Variants in CNTN5 observed in about 807,000 individuals in gnomAD.
The protein encoded by CNTN5 is contactin 5.
Under a neutral mutation model 129.1 loss-of-function variants are expected in CNTN5, and 77 were observed. The observed-to-expected ratio is 0.60, with a 90% CI of 0.50 to 0.72. The LOEUF (loss-of-function observed/expected upper bound fraction) is 0.72, where lower values mean the gene tolerates loss of function less well. CNTN5 is among the 30% of genes least tolerant of loss of function. CNTN5 has a pLI of 0.00. For missense variants in CNTN5, 1,478 were observed against 1,328.8 expected, an observed-to-expected ratio of 1.11 and a Z score of -1.75; for synonymous variants, 509 against 465.6, an observed-to-expected ratio of 1.09 and a Z score of -1.20.
intron 2 of CNTN5, among the ~76,000 whole-genome samples, chr11:99,467,764 A>G (rs1238288042): frequency 6.6e-6 from 1 of 152,046 alleles, no homozygotes; most frequent in Non-Finnish European, 1.5e-5. Flanking sequence ...TTTATATTTA[A>G]ATGTTGCTGT....
At chr11:99,846,217 G>A (rs1353365352) in intron 6 of CNTN5, among the ~76,000 whole-genome samples, 7 of 151,232 alleles carry the variant, frequency 4.6e-5, no homozygotes, top group East Asian at 1.9e-4. Context: ...AATTAGCCAG[G>A]TGAGGCAGCA....
rs1052661299 is a variant in CNTN5, at chr11:99,314,956, G to A, written c.-209-10390G>A. Among the ~76,000 whole-genome samples the A allele has an allele frequency of 2.0e-5, 3 of 148,580 alleles. 1 individual carries two copies. The highest frequency in any genetic ancestry group is 4.5e-5 in the Non-Finnish European group (3 of 66,292). ...ATTCTTATTCAGTAGCTCTGTGGGT[G>A]GGGGGACGGGGTGTTGACATTCTGT... On this transcript the variant is annotated intron_variant, in intron 1 of 24. Coordinates refer to ENST00000524871, the MANE Select transcript of CNTN5 (RefSeq NM_014361.4).
intron 1 of CNTN5, among the ~76,000 whole-genome samples, chr11:99,138,188 C>T (rs1859329716): frequency 6.6e-6 from 1 of 152,080 alleles, no homozygotes; most frequent in Non-Finnish European, 1.5e-5. Flanking sequence ...AATACTTATA[C>T]ACATACCACA....
At chr11:100,150,222 A>C (rs571198143) in intron 13 of CNTN5, among the ~76,000 whole-genome samples, 2 of 152,284 alleles carry the variant, frequency 1.3e-5, no homozygotes, top group East Asian at 3.9e-4. Context: ...GATCTGCAGA[A>C]AAGTTCCATG....
chr11:99,488,886 A>G (rs1343549643), intron 2 of CNTN5, among the ~76,000 whole-genome samples: 16 of 152,020 alleles, frequency 1.1e-4, no homozygotes, highest in Admixed American at 9.8e-4. Context: ...GAAAGTGAGC[A>G]TTGTTCTGAA....
chr11:99,712,923 G>C (rs1425456990), intron 3 of CNTN5, among the ~76,000 whole-genome samples: 1 of 152,042 alleles, frequency 6.6e-6, no homozygotes, highest in East Asian at 1.9e-4. Flanking sequence ...GATGTCTCCA[G>C]CTTTTTCTTT....
intron 1 of CNTN5, among the ~76,000 whole-genome samples, chr11:99,290,096 A>G (rs55673258): frequency 0.019 from 2,833 of 151,848 alleles, 51 homozygotes; most frequent in African/African-American, 0.042. Flanking sequence ...TGTCCTTCTT[A>G]TTTAAAATTA....
At chr11:99,845,963 C>T (rs957668898) in intron 6 of CNTN5, among the ~76,000 whole-genome samples, 1 of 151,998 alleles carries the variant, frequency 6.6e-6, no homozygotes, top group African/African-American at 2.4e-5. Context: ...TCACCATTTG[C>T]TATGGATTTC....
intron 13 of CNTN5, among the ~76,000 whole-genome samples, chr11:100,179,072 A>G (rs1438604634): frequency 6.6e-6 from 1 of 152,138 alleles, no homozygotes; most frequent in African/African-American, 2.4e-5. Flanking sequence ...TGTTGTGAAC[A>G]TTCCAATTGT....
chr11:99,260,067 T>C (rs1862559441), intron 1 of CNTN5, among the ~76,000 whole-genome samples: 1 of 151,764 alleles, frequency 6.6e-6, no homozygotes, highest in East Asian at 1.9e-4. Context: ...TGTTTTCTTA[T>C]AGAATTCATT....
intron 9 of CNTN5, among the ~76,000 whole-genome samples, chr11:100,002,804 A>C (rs1001970348): frequency 6.6e-6 from 1 of 151,886 alleles, no homozygotes; most frequent in Admixed American, 6.6e-5. Context: ...TTTTGATTAT[A>C]TTTGATTATT....
At chr11:100,289,365 A>C (rs1458280348) in intron 18 of CNTN5, among the ~76,000 whole-genome samples, 1 of 152,078 alleles carries the variant, frequency 6.6e-6, no homozygotes, top group Admixed American at 6.5e-5. Flanking sequence ...CCTCAATAAA[A>C]TACTGGCAAA....
At chr11:99,878,483 T>TA (rs966850869) in intron 6 of CNTN5, among the ~76,000 whole-genome samples, 7 of 152,024 alleles carry the variant, frequency 4.6e-5, no homozygotes, top group Non-Finnish European at 8.8e-5. Flanking sequence ...ATGCACATTG[T>TA]AAAAAAAACT....
chr11:99,556,516 T>TTTGCAATC (rs1948669661), intron 3 of CNTN5, among the ~76,000 whole-genome samples: 1 of 139,598 alleles, frequency 7.2e-6, no homozygotes, highest in African/African-American at 2.6e-5. Context: ...TTGACATTCA[T>TTTGCAATC]TTGCAATCTA....
intron 1 of CNTN5, among the ~76,000 whole-genome samples, chr11:99,306,752 A>G (rs11821750): frequency 0.042 from 363 of 8,640 alleles, 1 homozygote; most frequent in South Asian, 0.12. Context: ...TGATGATAAT[A>G]ATAATAATAA....
At chr11:99,320,050 G>C (rs1276127572) in intron 1 of CNTN5, among the ~76,000 whole-genome samples, 2 of 152,096 alleles carry the variant, frequency 1.3e-5, no homozygotes, top group Non-Finnish European at 2.9e-5. Flanking sequence ...GACCAGCCTG[G>C]CCAACATAGT....
At chr11:99,060,422 G>A (rs1418953677) in intron 1 of CNTN5, among the ~76,000 whole-genome samples, 1 of 152,052 alleles carries the variant, frequency 6.6e-6, no homozygotes, top group Non-Finnish European at 1.5e-5. Flanking sequence ...GTTGTAGAAA[G>A]TCCACAAATT....
intron 6 of CNTN5, among the ~76,000 whole-genome samples, chr11:99,894,557 C>CA (rs1190272734): frequency 1.6e-4 from 17 of 103,180 alleles, no homozygotes; most frequent in African/African-American, 2.9e-4. Flanking sequence ...AAAACAAAAA[C>CA]AAAAAAAACA....
intron 1 of CNTN5, among the ~76,000 whole-genome samples, chr11:99,186,452 C>A (rs1858356664): frequency 6.6e-6 from 1 of 151,860 alleles, no homozygotes; most frequent in South Asian, 2.1e-4. Context: ...TGTTGATAAG[C>A]TTTCATGATT....
Sources: allele counts gnomAD v4.1 joint callset (sites outside exome capture counted in the v4.1 genomes callset), GRCh38; gene constraint gnomAD v4.1.1; transcripts MANE v1.5; gene names NCBI Gene and HGNC (gene_info 2026-07-23, HGNC 2026-07-21).